The following GGA2 variants were observed in gnomAD, a reference collection of about 807,000 sequenced individuals.
The protein encoded by GGA2 is golgi associated, gamma adaptin ear containing, ARF binding protein 2.
Under a neutral mutation model 79.5 loss-of-function variants are expected in GGA2, and 48 were observed. That is an observed-to-expected ratio of 0.60 (90% CI 0.48 to 0.77). The LOEUF (loss-of-function observed/expected upper bound fraction) is 0.77, where lower values mean the gene tolerates loss of function less well. Among genes scored for constraint, GGA2 ranks in the 30% least tolerant of loss-of-function variants. The pLI is 0.00. For missense variants in GGA2, 770 were observed against 774.0 expected (o/e 0.99, Z 0.06); for synonymous variants, 317 against 302.0 (o/e 1.05, Z -0.51).
At chr16:23,480,424 G>C (rs2142121290) in intron 10 of GGA2, 3 of 495,006 alleles carry the variant, frequency 6.1e-6, no homozygotes, top group East Asian at 6.3e-5. Flanking sequence ...TTAGCCATCT[G>C]CTTTTGTGTG....
intron 14 of GGA2, among the ~76,000 whole-genome samples, chr16:23,474,055 G>A (rs1448995293): frequency 2.0e-5 from 3 of 151,900 alleles, no homozygotes; most frequent in Non-Finnish European, 4.4e-5. Context: ...GTGTAGAGAC[G>A]GTAGGCACCT....
At chr16:23,495,643 T>G (rs1964845483) in intron 2 of GGA2, 51 bp downstream of exon 2, 2 of 1,038,586 alleles carry the variant, frequency 1.9e-6, no homozygotes, top group African/African-American at 1.6e-5. Context: ...AGGCCTACAC[T>G]CAGTGTGGGG....
upstream of GGA2, chr16:23,524,186 G>A (rs1965185211): frequency 1.6e-6 from 1 of 633,172 alleles, no homozygotes; most frequent in Admixed American, 2.8e-5. Context: ...GGCTTCCCCA[G>A]CCAATTGACA....
At chr16:23,480,299 C>T (rs1422454384) in intron 10 of GGA2, 4 of 314,154 alleles carry the variant, frequency 1.3e-5, no homozygotes, top group African/African-American at 2.1e-5. Flanking sequence ...TCAACCAGTG[C>T]TCCAGGTGAT....
At chr16:23,510,604 C>CA (rs1965035406), upstream of GGA2, 2 of 381,772 alleles carry the variant, frequency 5.2e-6, no homozygotes, top group South Asian at 2.7e-4. Context: ...CAGATCCCTC[C>CA]ACCCAGCGCT....
At chr16:23,488,774 G>T in intron 5 of GGA2, 65 bp from the exon 6 acceptor site, 1 of 921,162 alleles carries the variant, frequency 1.1e-6, no homozygotes. Context: ...TCAGAATCCA[G>T]TATAAAGTCT....
intron 13 of GGA2, among the ~76,000 whole-genome samples, chr16:23,477,385 T>C (rs1964588242): frequency 6.6e-6 from 1 of 152,190 alleles, no homozygotes; most frequent in South Asian, 2.1e-4. Flanking sequence ...TCATGAGACC[T>C]GATGGTTTTA....
intron 1 of GGA2, chr16:23,501,397 G>A (rs938181933): frequency 6.7e-6 from 3 of 445,982 alleles, no homozygotes; most frequent in Non-Finnish European, 1.3e-5. Flanking sequence ...TTGAGAACAT[G>A]AGCAAGATGG....
chr16:23,489,308 C>G (rs529466406), intron 5 of GGA2, among the ~76,000 whole-genome samples: 3 of 152,304 alleles, frequency 2.0e-5, no homozygotes, highest in African/African-American at 7.2e-5. Context: ...GATCATGGCT[C>G]GCTGCAGCCT....
upstream of GGA2, among the ~76,000 whole-genome samples, chr16:23,511,016 CGTGTGTGTGTGTGT>C (rs145140640): frequency 3.5e-5 from 1 of 28,838 alleles, no homozygotes; most frequent in East Asian, 8.1e-4. Flanking sequence ...TGGGTTTCAC[CGTGTGTGTGTGTGT>C]GTGTGTGTGT....
chr16:23,481,786 G>C (rs1194124406), intron 9 of GGA2, among the ~76,000 whole-genome samples: 1 of 152,096 alleles, frequency 6.6e-6, no homozygotes, highest in African/African-American at 2.4e-5. Flanking sequence ...TCAAAAAAAA[G>C]GAAAAAGGAT....
Position 23,467,349 on chromosome 16 carries a change from G to A in GGA2, c.*241C>T, listed in dbSNP as rs545922894. The stretch of plus-strand genomic sequence containing the variant: ...AGAAATGCTTCGCATTTCCCACACT[G>A]CCGATATCCCAAGCCCTGTGCTACC... On this transcript the variant is annotated 3_prime_UTR_variant, in exon 17 of 17. Coordinates refer to ENST00000309859, the MANE Select transcript of GGA2 (RefSeq NM_015044.4). 59 of 454,910 alleles carry A rather than the reference G, an allele frequency of 1.3e-4. No individual in the cohort carries two copies. Among genetic ancestry groups the A allele is most frequent in the African/African-American group, 1.1e-3 (53 of 47,822 alleles). 28.2% of individuals were successfully genotyped at this position (454,910 alleles called of 1,614,324 possible). A position where few individuals can be genotyped will look rare whatever the true frequency, so the allele number is the denominator to read the frequency against.
At chr16:23,500,334 G>A (rs560740537) in intron 1 of GGA2, among the ~76,000 whole-genome samples, 117 of 152,344 alleles carry the variant, frequency 7.7e-4, no homozygotes, top group African/African-American at 2.6e-3. Flanking sequence ...GCTGCCTCAC[G>A]GGGAACATGC....
chr16:23,510,290 G>T, intron 1 of GGA2, 31 bp downstream of exon 1: 2 of 1,359,992 alleles, frequency 1.5e-6, no homozygotes, highest in Non-Finnish European at 1.9e-6. Context: ...GCGGCGCAGC[G>T]GCTGCGCCGA....
chr16:23,481,979 T>G (rs1964654539), intron 9 of GGA2, among the ~76,000 whole-genome samples: 1 of 150,890 alleles, frequency 6.6e-6, no homozygotes, highest in Non-Finnish European at 1.5e-5. Context: ...TTCTGAAATG[T>G]CCAGAGGCCG....
At chr16:23,479,086 C>T (rs931778853) in intron 11 of GGA2, 175 bp from the exon 12 acceptor site, 13 of 634,952 alleles carry the variant, frequency 2.0e-5, no homozygotes, top group Middle Eastern at 5.0e-4. Context: ...CAAGGGGGAC[C>T]CTCTGAACTG....
chr16:23,467,389 C>CACACACACACACAT lies in GGA2; in HGVS notation c.*200_*201insATGTGTGTGTGTGT. ...CCTGTGCTACCACCCTCTCCCCGAA[C>CACACACACACACAT]ACACACACACACACACACACACACA... On this transcript the variant is annotated 3_prime_UTR_variant, in exon 17 of 17. Coordinates refer to ENST00000309859, the MANE Select transcript of GGA2 (RefSeq NM_015044.4). 1.0e-5 allele frequency: 1 copy of CACACACACACACAT among 99,144 alleles called. No individual in the cohort carries two copies. 6.1% of individuals were successfully genotyped at this position (99,144 alleles called of 1,614,324 possible).
At position 23,464,992 on chromosome 16, in the gene GGA2, G is replaced by C. The variant is rs1964416979; in HGVS notation, c.*2598C>G. On this transcript the variant is annotated 3_prime_UTR_variant, in exon 17 of 17. Transcript: ENST00000309859. ...GGAAAAAGAGCAGTCACGGAGGTAG[G>C]TCACGAAATGGGTCAACAGGACCCC... 3.4e-6 allele frequency: 1 copy of C among 294,260 alleles called. No homozygotes were observed. Among genetic ancestry groups the C allele is most frequent in the Non-Finnish European group, 6.4e-6 (1 of 155,790 alleles). 18.2% of individuals were successfully genotyped at this position (294,260 alleles called of 1,614,324 possible). A position where few individuals can be genotyped will look rare whatever the true frequency, so the allele number is the denominator to read the frequency against.
intron 13 of GGA2, among the ~76,000 whole-genome samples, chr16:23,478,141 G>A (rs1400058502): frequency 2.7e-5 from 4 of 149,902 alleles, no homozygotes; most frequent in South Asian, 2.1e-4. Flanking sequence ...AAAGGCTGTA[G>A]TGAGCCGAGA....
Sources: gnomAD v4.1 joint callset for allele counts (sites outside exome capture counted in the v4.1 genomes callset) on GRCh38, gnomAD v4.1.1 for gene constraint, MANE v1.5 for transcripts, NCBI Gene and HGNC (gene_info 2026-07-23, HGNC 2026-07-21) for gene names.